Variants in TIMMDC1 observed in about 807,000 individuals in gnomAD.
TIMMDC1 encodes translocase of inner mitochondrial membrane domain containing 1, also known as complex I assembly factor TIMMDC1, mitochondrial.
TIMMDC1 carries 25 observed loss-of-function variants against 32.6 expected under a neutral mutation model. The ratio of observed to expected loss-of-function variants is 0.77; its 90% CI spans 0.56 to 1.07. The LOEUF (loss-of-function observed/expected upper bound fraction) is 1.07. Ranked by LOEUF, TIMMDC1 falls within the 50% of genes least tolerant of loss-of-function variation. The pLI, the probability that TIMMDC1 is intolerant of heterozygous loss-of-function variation, is 0.00. For synonymous variants in TIMMDC1, 130 were observed against 127.6 expected, an observed-to-expected ratio of 1.02 and a Z score of -0.13; for missense variants, 329 against 349.2, an observed-to-expected ratio of 0.94 and a Z score of 0.46.
chr3:119,509,467 T>A (rs1226952581), intron 4 of TIMMDC1, among the ~76,000 whole-genome samples: 2 of 151,974 alleles, frequency 1.3e-5, no homozygotes, highest in African/African-American at 4.8e-5. Context: ...TCAAAAACAT[T>A]AAGTGAAAAA....
intron 4 of TIMMDC1, among the ~76,000 whole-genome samples, chr3:119,506,555 T>C (rs1429381069): frequency 6.6e-6 from 1 of 151,646 alleles, no homozygotes; most frequent in Non-Finnish European, 1.5e-5. Context: ...AGGAATGATA[T>C]GGTTCTGCTC....
At chr3:119,515,598 T>A (rs548273417) in intron 5 of TIMMDC1, among the ~76,000 whole-genome samples, 1 of 152,238 alleles carries the variant, frequency 6.6e-6, no homozygotes, top group Non-Finnish European at 1.5e-5. Flanking sequence ...GGCAGGATAT[T>A]TGGGGGGACC....
intron 6 of TIMMDC1, 78 bp from the exon 7 acceptor site, chr3:119,523,528 G>T: frequency 7.1e-7 from 1 of 1,414,474 alleles, no homozygotes; most frequent in Non-Finnish European, 9.5e-7. Flanking sequence ...AAAGACAAAT[G>T]CTATCCTTTT....
chr3:119,499,098 T>C (rs1402683834), intron 1 of TIMMDC1, among the ~76,000 whole-genome samples, 171 bp downstream of exon 1: 3 of 147,200 alleles, frequency 2.0e-5, no homozygotes, highest in East Asian at 2.2e-4. Flanking sequence ...CTTTCTTTTT[T>C]TTTTTTTTTT....
At chr3:119,505,817 A>G (rs1232466501) in intron 4 of TIMMDC1, among the ~76,000 whole-genome samples, 3 of 152,240 alleles carry the variant, frequency 2.0e-5, no homozygotes, top group Admixed American at 6.5e-5. Flanking sequence ...AAATTAAGTC[A>G]GACAACTTGC....
At chr3:119,514,206 C>T (rs2081971762) in intron 5 of TIMMDC1, among the ~76,000 whole-genome samples, 1 of 152,200 alleles carries the variant, frequency 6.6e-6, no homozygotes. Flanking sequence ...TTCAAACCTA[C>T]AGAAAAGTTG....
At position 119,499,046 on chromosome 3, in the gene TIMMDC1, T is replaced by C. The variant is rs567534531; in HGVS notation, c.194+119T>C. 341 of 768,174 alleles carry C rather than the reference T, an allele frequency of 4.4e-4. No homozygotes were observed. In the African/African-American group the frequency reaches 5.6e-3, roughly 13 times the overall value. 47.6% of individuals were successfully genotyped at this position (768,174 alleles called of 1,614,324 possible). A position where few individuals can be genotyped will look rare whatever the true frequency, so the allele number is the denominator to read the frequency against. ...TGGTGTGCTTCATTTTTAGATTATA[T>C]TTGAGGTTCTGATATTTGTAACCCA... On this transcript the variant is annotated intron_variant, in intron 1 of 6. Transcript: ENST00000494664.
Position 119,503,411 on chromosome 3 carries a change from AG to A in TIMMDC1, c.361-120del, listed in dbSNP as rs1395021025. 7.8e-6 allele frequency: 5 copies of A among 639,736 alleles called. No homozygotes were observed. The African/African-American group carries it at 9.3e-5, about 12-fold the overall frequency. The allele number at this position is 639,736 out of a possible 1,614,324, so 39.6% of individuals were successfully genotyped here. A position where few individuals can be genotyped will look rare whatever the true frequency, so the allele number is the denominator to read the frequency against. ...AGAATAGTATTTCTAGAGATTTTCT[AG>A]TATTTCTATCTGTTTGGGTGTACCT... On this transcript the variant is annotated intron_variant, in intron 2 of 6. Transcript: ENST00000494664.
In TIMMDC1 at chr3:119,523,807, C is replaced by G; in HGVS notation, c.*51C>G. 2 of 1,477,502 alleles carry G rather than the reference C, an allele frequency of 1.4e-6. No individual in the cohort carries two copies. The highest frequency in any genetic ancestry group is 1.8e-6 in the Non-Finnish European group (2 of 1,110,532). 91.5% of individuals were successfully genotyped at this position (1,477,502 alleles called of 1,614,324 possible). A position where few individuals can be genotyped will look rare whatever the true frequency, so the allele number is the denominator to read the frequency against. On this transcript the variant is annotated 3_prime_UTR_variant, in exon 7 of 7. Transcript: ENST00000494664. ...GGAGAGCTGAAGGGAGCTGCCATGT[C>G]CGATGAATGCCAACAGACAGGCCAC...
At chr3:119,503,738 CTTT>C (rs11358423) in intron 3 of TIMMDC1, 118 bp downstream of exon 3, 111 of 671,280 alleles carry the variant, frequency 1.7e-4, no homozygotes, top group South Asian at 2.2e-4. Flanking sequence ...TTAATAATGC[CTTT>C]TTTTTTTTTT....
intron 4 of TIMMDC1, 101 bp from the exon 5 acceptor site, chr3:119,513,540 A>G: frequency 1.2e-6 from 1 of 856,908 alleles, no homozygotes; most frequent in African/African-American, 1.7e-5. Flanking sequence ...CATTGGATTC[A>G]GAAAGCTCAC....
rs1339475078 is a variant in TIMMDC1 at position 119,524,457 on chromosome 3, C to T, written c.*701C>T. 1.3e-5 allele frequency: 2 copies of T among 152,148 alleles called. No homozygotes were observed. Among genetic ancestry groups the T allele is most frequent in the Non-Finnish European group, 2.9e-5 (2 of 68,040 alleles). 9.4% of individuals were successfully genotyped at this position (152,148 alleles called of 1,614,324 possible). On this transcript the variant is annotated 3_prime_UTR_variant, in exon 7 of 7. Coordinates refer to ENST00000494664, the MANE Select transcript of TIMMDC1 (RefSeq NM_016589.4). The stretch of plus-strand genomic sequence containing the variant: ...TAAGTATTCCTGTCAATACGGGAAA[C>T]ACTGCTAGTACCTTATGTTGGTGTT...
Position 119,503,974 on chromosome 3 carries a change from A to C in TIMMDC1, c.470A>C (p.Asn157Thr), listed in dbSNP as rs1190626408. The C allele has an allele frequency of 1.2e-6, 2 of 1,613,702 alleles. No individual in the cohort carries two copies. Among genetic ancestry groups the C allele is most frequent in the African/African-American group, 2.7e-5 (2 of 74,926 alleles). ...ACCAGCACAGTGAACACTAGTCTGA[A>C]TGTATACCGAAATAAAGATGCCTTA... ...TIFNTVNTSLNVYRNKDALSH... is the reference protein window; with the variant it reads ...TIFNTVNTSLTVYRNKDALSH... Residue 157 changes from asparagine to threonine, a missense_variant, in exon 4 of 7, where the codon AAT (asparagine) becomes ACT (threonine). By Grantham distance (65) the Asn-to-Thr change is moderately conservative. Transcript: ENST00000494664.
At chr3:119,518,217 G>C (rs922095705) in intron 6 of TIMMDC1, among the ~76,000 whole-genome samples, 1 of 152,128 alleles carries the variant, frequency 6.6e-6, no homozygotes, top group African/African-American at 2.4e-5. Context: ...CAATATGTAA[G>C]ATGAATATAA....
chr3:119,505,322 C>CTTTTAT (rs2081910935), intron 4 of TIMMDC1, among the ~76,000 whole-genome samples: 1 of 151,754 alleles, frequency 6.6e-6, no homozygotes, highest in African/African-American at 2.4e-5. Context: ...TGTGTACATT[C>CTTTTAT]TTTTATGTAC....
At chr3:119,509,454 A>T (rs2081938992) in intron 4 of TIMMDC1, among the ~76,000 whole-genome samples, 2 of 152,190 alleles carry the variant, frequency 1.3e-5, no homozygotes, top group African/African-American at 2.4e-5. Context: ...ACATGAATAA[A>T]ACTCAAAAAC....
intron 2 of TIMMDC1, among the ~76,000 whole-genome samples, chr3:119,501,866 A>G (rs981157159): frequency 2.0e-5 from 3 of 152,018 alleles, no homozygotes; most frequent in Non-Finnish European, 2.9e-5. Context: ...ATGTCCCTCA[A>G]TTTGGGTTTG....
chr3:119,518,908 A>G lies in TIMMDC1; in HGVS notation c.707+1593A>G, dbSNP rs116633393. Among the ~76,000 whole-genome samples the G allele has an allele frequency of 3.2e-3, 488 of 152,340 alleles. 1 individual carries two copies. Among genetic ancestry groups the G allele is most frequent in the African/African-American group, 0.011 (457 of 41,580 alleles). On this transcript the variant is annotated intron_variant, in intron 6 of 6. Transcript: ENST00000494664. ...CAAACAAACAGACAAACAAAACCCA[A>G]AAAACTCCTGCCAAGAGTATTATAC...
At chr3:119,506,492 C>G (rs1375858614) in intron 4 of TIMMDC1, among the ~76,000 whole-genome samples, 1 of 149,196 alleles carries the variant, frequency 6.7e-6, no homozygotes, top group Non-Finnish European at 1.5e-5. Context: ...TCATTCCAGC[C>G]TGGGCGACAG....
Sources: gnomAD v4.1 joint callset for allele counts (sites outside exome capture counted in the v4.1 genomes callset) on GRCh38, gnomAD v4.1.1 for gene constraint, MANE v1.5 for transcripts, NCBI Gene and HGNC (gene_info 2026-07-23, HGNC 2026-07-21) for gene names.